Variants in ICOS observed in about 807,000 individuals in gnomAD.
ICOS encodes inducible T-cell costimulator.
A neutral mutation model predicts 24.6 loss-of-function variants in ICOS; 15 were observed. The ratio of observed to expected loss-of-function variants is 0.61; its 90% CI spans 0.41 to 0.94. The LOEUF is 0.94. ICOS is among the 40% of genes least tolerant of loss of function. ICOS has a pLI of 0.00. For synonymous variants in ICOS, 89 were observed against 77.5 expected (o/e 1.15, Z -0.78); for missense variants, 200 against 233.0 (o/e 0.86, Z 0.92).
intron 1 of ICOS, among the ~76,000 whole-genome samples, chr2:203,943,023 C>T (rs1689804754): frequency 6.6e-6 from 1 of 152,130 alleles, no homozygotes. Context: ...TTTCTTTAAG[C>T]TATCTATTTC....
At chr2:203,937,549 A>G (rs1004400061) in intron 1 of ICOS, among the ~76,000 whole-genome samples, 1 of 152,228 alleles carries the variant, frequency 6.6e-6, no homozygotes, top group Admixed American at 6.5e-5. Flanking sequence ...GTAAGTTAAT[A>G]CACGTGTTTC....
At chr2:203,955,125 A>G (rs1690055078) in intron 1 of ICOS, among the ~76,000 whole-genome samples, 2 of 151,816 alleles carry the variant, frequency 1.3e-5, no homozygotes, top group African/African-American at 4.8e-5. Flanking sequence ...AACTTTTCCC[A>G]TATCTCTCTG....
At chr2:203,937,329 T>A (rs1689671604) in intron 1 of ICOS, among the ~76,000 whole-genome samples, 1 of 152,158 alleles carries the variant, frequency 6.6e-6, no homozygotes, top group South Asian at 2.1e-4. Flanking sequence ...GGATGATCTG[T>A]TATCTGAAAT....
chr2:203,938,814 C>T (rs986018372), intron 1 of ICOS, among the ~76,000 whole-genome samples: 1 of 152,088 alleles, frequency 6.6e-6, no homozygotes, highest in Admixed American at 6.5e-5. Flanking sequence ...TGAATACAAC[C>T]AATGTTCACT....
At chr2:203,949,045 C>T (rs1279818590) in intron 1 of ICOS, among the ~76,000 whole-genome samples, 1 of 152,050 alleles carries the variant, frequency 6.6e-6, no homozygotes, top group African/African-American at 2.4e-5. Flanking sequence ...AACAATGACT[C>T]TATTGGATTA....
intron 1 of ICOS, among the ~76,000 whole-genome samples, chr2:203,948,803 A>G (rs768258394): frequency 5.3e-5 from 8 of 152,276 alleles, no homozygotes; most frequent in Non-Finnish European, 1.2e-4. Flanking sequence ...AGAAGCAGCC[A>G]TGTGAAAATC....
chr2:203,949,807 C>A (rs964169011), intron 1 of ICOS, among the ~76,000 whole-genome samples: 3 of 152,114 alleles, frequency 2.0e-5, no homozygotes, highest in East Asian at 1.9e-4. Flanking sequence ...AGATTTGACA[C>A]CTTACCAATC....
rs576726896 is a variant in ICOS at position 203,936,791 on chromosome 2, G to A, written c.-24G>A. Reference sequence around the variant, plus strand: ...GTCAGCTTTGAACACTGAACGCGAGGACTGTTAACTGTTTCTGGCAAACAT... The same window carrying A: ...GTCAGCTTTGAACACTGAACGCGAGAACTGTTAACTGTTTCTGGCAAACAT... On this transcript the variant is annotated 5_prime_UTR_variant, in exon 1 of 5. Transcript: ENST00000316386. 1 of 1,598,654 alleles carries A rather than the reference G, an allele frequency of 6.3e-7. No homozygotes were observed. Among genetic ancestry groups the A allele is most frequent in the Non-Finnish European group, 8.6e-7 (1 of 1,165,958 alleles).
In ICOS at chr2:203,959,628, C is replaced by G. The variant is rs777956310; in HGVS notation, c.*29C>G. ...GGAACTCTGGCACCCAGGCATGAAG[C>G]ACGTTGGCCAGTTTTCCTCAACTTG... On this transcript the variant is annotated 3_prime_UTR_variant, in exon 5 of 5. Transcript: ENST00000316386. 6.2e-7 allele frequency: 1 copy of G among 1,610,418 alleles called. No individual in the cohort carries two copies. Among genetic ancestry groups the G allele is most frequent in the Admixed American group, 1.7e-5 (1 of 60,006 alleles).
Position 203,943,507 on chromosome 2 carries a change from A to G in ICOS, c.58+6635A>G, listed in dbSNP as rs1442088586. ...GTCTGCACAGATTCCTGTGATGTGA[A>G]CCATCTATGGGTCTCTCAGCCATGG... On this transcript the variant is annotated intron_variant, in intron 1 of 4. Transcript: ENST00000316386. Among the ~76,000 whole-genome samples the G allele has an allele frequency of 4.6e-5, 7 of 152,030 alleles. No individual in the cohort carries two copies. The East Asian group carries it at 1.3e-3, about 29-fold the overall frequency.
chr2:203,956,935 T>C (rs542462116), intron 3 of ICOS, among the ~76,000 whole-genome samples, 170 bp downstream of exon 3: 3 of 152,292 alleles, frequency 2.0e-5, no homozygotes, highest in Admixed American at 6.5e-5. Context: ...AACAGAAATT[T>C]ATGTATTTGT....
chr2:203,955,501 A>C, intron 1 of ICOS, 135 bp from the exon 2 acceptor site: 1 of 709,556 alleles, frequency 1.4e-6, no homozygotes. Flanking sequence ...GTGGAGGGAG[A>C]ATGTGAAGCT....
At position 203,955,816 on chromosome 2, in the gene ICOS, T is replaced by G. The variant is rs865976515; in HGVS notation, c.239T>G (p.Leu80Arg). The change falls in exon 2 of 5, where the codon CTG becomes CGG. Residue 80 changes from leucine (L) to arginine (R), a missense_variant. Coordinates refer to ENST00000316386, the MANE Select transcript of ICOS (RefSeq NM_012092.4). Reference protein sequence around the residue: ...GSGNTVSIKSLKFCHSQLSNN... With the variant: ...GSGNTVSIKSRKFCHSQLSNN... ...GGAAACACAGTGTCCATTAAGAGTC[T>G]GAAATTCTGCCATTCTCAGTTATCC... The G allele has an allele frequency of 6.2e-7, 1 of 1,613,866 alleles. No homozygotes were observed. Among genetic ancestry groups the G allele is most frequent in the African/African-American group, 1.3e-5 (1 of 75,016 alleles).
chr2:203,944,060 C>A (rs1050828522), intron 1 of ICOS, among the ~76,000 whole-genome samples: 10 of 152,322 alleles, frequency 6.6e-5, no homozygotes, highest in African/African-American at 2.4e-4. Flanking sequence ...TTGCCTGAGG[C>A]TTTCTGCCTC....
At chr2:203,946,198 T>C (rs1237071160) in intron 1 of ICOS, among the ~76,000 whole-genome samples, 4 of 152,208 alleles carry the variant, frequency 2.6e-5, no homozygotes, top group African/African-American at 9.6e-5. Context: ...CAAAGTTTTA[T>C]AATACCACTG....
At position 203,955,691 on chromosome 2, in the gene ICOS, A is replaced by T; in HGVS notation, c.114A>T (p.Val38=). The T allele has an allele frequency of 6.2e-7, 1 of 1,613,660 alleles. No individual in the cohort carries two copies. Among genetic ancestry groups the T allele is most frequent in the Middle Eastern group, 1.7e-4 (1 of 6,054 alleles). Residue 38 remains valine, a synonymous_variant, in exon 2 of 5, where the codon GTA becomes GTT. Transcript: ENST00000316386. ...YEMFIFHNGG[V]QILCKYPDIV... ...TGTTTATATTTCACAACGGAGGTGT[A>T]CAAATTTTATGCAAATATCCTGACA... is the stretch of plus-strand genomic sequence containing the variant.
At position 203,959,676 on chromosome 2, in the gene ICOS, C is replaced by T. The variant is rs769887283; in HGVS notation, c.*77C>T. ...TTGAAGTGCAAGATTCTCTTATTTC[C>T]GGGACCACGGAGAGTCTGACTTAAC... On this transcript the variant is annotated 3_prime_UTR_variant, in exon 5 of 5. Transcript: ENST00000316386. 70 of 1,347,224 alleles carry T rather than the reference C, an allele frequency of 5.2e-5. No individual in the cohort carries two copies. Among genetic ancestry groups the T allele is most frequent in the African/African-American group, 7.2e-5 (5 of 68,988 alleles). The allele number at this position is 1,347,224 out of a possible 1,614,324, so 83.5% of individuals were successfully genotyped here.
At chr2:203,939,818 G>A (rs1689731759) in intron 1 of ICOS, among the ~76,000 whole-genome samples, 1 of 152,138 alleles carries the variant, frequency 6.6e-6, no homozygotes, top group African/African-American at 2.4e-5. Flanking sequence ...GTCATCTCCT[G>A]ACAGCACCCC....
At chr2:203,953,426 A>C (rs774193818) in intron 1 of ICOS, among the ~76,000 whole-genome samples, 4 of 152,136 alleles carry the variant, frequency 2.6e-5, no homozygotes, top group East Asian at 3.8e-4. Flanking sequence ...TTGGCGTGAG[A>C]ATTAGTTTGA....
Sources: gnomAD v4.1 joint callset for allele counts (sites outside exome capture counted in the v4.1 genomes callset) on GRCh38, gnomAD v4.1.1 for gene constraint, MANE v1.5 for transcripts, NCBI Gene and HGNC (gene_info 2026-07-23, HGNC 2026-07-21) for gene names.